The following EVI5 variants were observed in gnomAD, a reference collection of about 807,000 sequenced individuals.
The protein encoded by EVI5 is ecotropic viral integration site 5, also known as ecotropic viral integration site 5 protein homolog.
In EVI5, 73 loss-of-function variants were observed where a neutral mutation model predicts 112.0. The observed-to-expected ratio is 0.65, with a 90% CI of 0.54 to 0.79. EVI5 has a LOEUF of 0.79. Ranked by LOEUF, EVI5 falls within the 30% of genes least tolerant of loss-of-function variation. EVI5 has a pLI of 0.00. For missense variants in EVI5, 900 were observed against 968.8 expected, an observed-to-expected ratio of 0.93 and a Z score of 0.94; for synonymous variants, 305 against 319.9, an observed-to-expected ratio of 0.95 and a Z score of 0.50.
chr1:92,540,056 T>C (rs1664550196), intron 19 of EVI5, among the ~76,000 whole-genome samples: 2 of 152,248 alleles, frequency 1.3e-5, no homozygotes, highest in African/African-American at 2.4e-5. Context: ...ATTGATCATA[T>C]GGATATACCA....
chr1:92,609,316 GT>G (rs1651192363), intron 16 of EVI5, among the ~76,000 whole-genome samples: 1 of 152,154 alleles, frequency 6.6e-6, no homozygotes, highest in Non-Finnish European at 1.5e-5. Context: ...TGGGCGAAAA[GT>G]TTATGAAAGC....
intron 2 of EVI5, among the ~76,000 whole-genome samples, chr1:92,730,153 C>T (rs963535741): frequency 2.0e-5 from 3 of 151,968 alleles, no homozygotes; most frequent in Non-Finnish European, 4.4e-5. Context: ...TCACTTGAGC[C>T]CAGGAGTTTA....
At chr1:92,756,132 C>T (rs1570788311) in intron 1 of EVI5, 1 of 327,182 alleles carries the variant, frequency 3.1e-6, no homozygotes, top group East Asian at 7.0e-5. Context: ...AACAGCTCAA[C>T]AGCCTAGGTG....
intron 16 of EVI5, 91 bp from the exon 17 acceptor site, chr1:92,607,818 TA>T: frequency 1.3e-6 from 1 of 780,356 alleles, no homozygotes; most frequent in Non-Finnish European, 2.0e-6. Flanking sequence ...ATAACATTAT[TA>T]AAAATGTTAC....
chr1:92,770,148 T>G (rs370029249), intron 1 of EVI5, among the ~76,000 whole-genome samples: 51 of 152,304 alleles, frequency 3.3e-4, no homozygotes, highest in African/African-American at 1.1e-3. Context: ...TGCTACAATC[T>G]TGACTTTAAC....
chr1:92,604,370 T>C (rs1649886495), intron 18 of EVI5, among the ~76,000 whole-genome samples: 1 of 56,908 alleles, frequency 1.8e-5, no homozygotes, highest in Non-Finnish European at 3.2e-5. Flanking sequence ...AAAAAAAAAT[T>C]AAAACATTTG....
intron 2 of EVI5, chr1:92,714,163 C>T: frequency 4.1e-6 from 4 of 981,826 alleles, no homozygotes; most frequent in Non-Finnish European, 4.8e-6. Flanking sequence ...CATTTCTTCA[C>T]ATCTTTCTGG....
intron 2 of EVI5, among the ~76,000 whole-genome samples, chr1:92,717,399 TAAA>T (rs1673914270): frequency 6.6e-6 from 1 of 152,138 alleles, no homozygotes; most frequent in Non-Finnish European, 1.5e-5. Flanking sequence ...TCAACATTCT[TAAA>T]GAAAAGAATT....
chr1:92,594,473 A>G (rs560503129), intron 18 of EVI5, among the ~76,000 whole-genome samples: 10 of 150,882 alleles, frequency 6.6e-5, no homozygotes, highest in Admixed American at 2.0e-4. Flanking sequence ...CTAGAAGAAA[A>G]CCTAGGCAAT....
chr1:92,675,549 G>A (rs1216641047), intron 10 of EVI5, among the ~76,000 whole-genome samples: 5 of 151,812 alleles, frequency 3.3e-5, no homozygotes, highest in East Asian at 1.9e-4. Context: ...TCAGATTCTT[G>A]ATTTGCAGTT....
intron 1 of EVI5, chr1:92,756,191 T>C (rs1680926037): frequency 5.0e-6 from 2 of 402,736 alleles, no homozygotes; most frequent in African/African-American, 4.2e-5. Flanking sequence ...TTGCTACATG[T>C]GTAACTCTTA....
chr1:92,665,435 C>T (rs1271832672), intron 11 of EVI5, among the ~76,000 whole-genome samples: 1 of 152,068 alleles, frequency 6.6e-6, no homozygotes, highest in East Asian at 1.9e-4. Flanking sequence ...CAAGTAGATA[C>T]TAAAATAATT....
At chr1:92,579,496 A>G (rs948947189) in intron 18 of EVI5, among the ~76,000 whole-genome samples, 3 of 152,236 alleles carry the variant, frequency 2.0e-5, no homozygotes, top group Admixed American at 1.3e-4. Context: ...GGTATTTTAT[A>G]TATTTCACGG....
intron 1 of EVI5, chr1:92,756,814 G>T: frequency 1.9e-6 from 1 of 516,784 alleles, no homozygotes; most frequent in South Asian, 1.4e-5. Flanking sequence ...TAGTGTTCAG[G>T]GCCTTGGGCA....
At chr1:92,744,592 TCTCTCTCTCACACA>T (rs1351307770) in intron 1 of EVI5, among the ~76,000 whole-genome samples, 4 of 14,904 alleles carry the variant, frequency 2.7e-4, no homozygotes, top group East Asian at 6.0e-3. Flanking sequence ...AATATCTCTC[TCTCTCTCTCACACA>T]CACACACACA....
At chr1:92,554,472 A>G (rs761123990) in intron 19 of EVI5, among the ~76,000 whole-genome samples, 17 of 152,154 alleles carry the variant, frequency 1.1e-4, no homozygotes, top group Non-Finnish European at 2.2e-4. Flanking sequence ...AAACAAGATA[A>G]ATTTTAAGAA....
chr1:92,688,429 C>T (rs1047835461), intron 9 of EVI5, among the ~76,000 whole-genome samples: 2 of 152,132 alleles, frequency 1.3e-5, no homozygotes, highest in Non-Finnish European at 2.9e-5. Flanking sequence ...TCAGGGGATG[C>T]TCTCTCAGGG....
chr1:92,636,261 C>T lies in EVI5; in HGVS notation c.1468G>A (p.Glu490Lys). ...TTTAATGCACACTGAGACTCAGCTTCACTCAGTCGGGCTTGGACCAATTCC... is the reference window on the plus strand; with the variant it reads ...TTTAATGCACACTGAGACTCAGCTTTACTCAGTCGGGCTTGGACCAATTCC... Reference protein sequence around the residue: ...EKELVQARLSEAESQCALKEM... With the variant: ...EKELVQARLSKAESQCALKEM... The change falls in exon 14 of 20, where the codon GAA becomes AAA. Residue 490 changes from glutamate (E) to lysine (K), a missense_variant. Transcript: ENST00000684568. 1 of 1,612,964 alleles carries T rather than the reference C, an allele frequency of 6.2e-7. No individual in the cohort carries two copies. The highest frequency in any genetic ancestry group is 8.5e-7 in the Non-Finnish European group (1 of 1,178,920).
rs147417292 is a variant in EVI5 at position 92,687,549 on chromosome 1, T to C, written c.1097+6253A>G. On this transcript the variant is annotated intron_variant, in intron 9 of 19. Transcript: ENST00000684568. ...GCCAAAATTGACAAATGGGATCTAA[T>C]TAAACTAAAGAGCTTCTGCACAGCA... 5.6e-3 allele frequency among the ~76,000 whole-genome samples: 845 copies of C among 152,214 alleles called. 8 individuals carry two copies. The highest frequency in any genetic ancestry group is 0.018 in the African/African-American group (747 of 41,542).
Sources: gnomAD v4.1 joint callset for allele counts (sites outside exome capture counted in the v4.1 genomes callset) on GRCh38, gnomAD v4.1.1 for gene constraint, MANE v1.5 for transcripts, NCBI Gene and HGNC (gene_info 2026-07-23, HGNC 2026-07-21) for gene names.